Variants in PRKG1 observed in about 807,000 individuals in gnomAD.
The protein encoded by PRKG1 is protein kinase cGMP-dependent 1.
In PRKG1, 35 loss-of-function variants were observed where a neutral mutation model predicts 88.1. The ratio of observed to expected loss-of-function variants is 0.40; its 90% CI spans 0.30 to 0.53. The LOEUF (loss-of-function observed/expected upper bound fraction) is 0.53. Among genes scored for constraint, PRKG1 ranks in the 20% least tolerant of loss-of-function variants. The pLI, the probability that PRKG1 is intolerant of heterozygous loss-of-function variation, is 0.59. For synonymous variants in PRKG1, 303 were observed against 292.5 expected (o/e 1.04, Z -0.37); for missense variants, 540 against 839.8 (o/e 0.64, Z 4.41).
At chr10:51,729,706 CAAAAAA>C (rs34900286) in intron 3 of PRKG1, among the ~76,000 whole-genome samples, 6 of 28,784 alleles carry the variant, frequency 2.1e-4, no homozygotes, top group African/African-American at 6.9e-4. Context: ...GACTCCATCT[CAAAAAA>C]AAAAAAAAAA....
intron 7 of PRKG1, among the ~76,000 whole-genome samples, chr10:52,087,882 G>A (rs898970825): frequency 6.6e-6 from 1 of 152,158 alleles, no homozygotes; most frequent in Non-Finnish European, 1.5e-5. Flanking sequence ...ATAGTAAGGA[G>A]ACAAAATAGG....
At chr10:51,932,865 G>A (rs1163907320) in intron 5 of PRKG1, among the ~76,000 whole-genome samples, 1 of 152,064 alleles carries the variant, frequency 6.6e-6, no homozygotes, top group African/African-American at 2.4e-5. Flanking sequence ...AGGAGGTGAA[G>A]CGGGGGTTAT....
chr10:51,054,612 A>G (rs368245937), intron 1 of PRKG1, among the ~76,000 whole-genome samples: 199 of 152,266 alleles, frequency 1.3e-3, no homozygotes, highest in African/African-American at 4.6e-3. Context: ...GGTGTGACAG[A>G]TTACCAAAGC....
intron 2 of PRKG1, among the ~76,000 whole-genome samples, chr10:51,372,378 A>G (rs569666320): frequency 1.6e-4 from 24 of 152,272 alleles, no homozygotes; most frequent in African/African-American, 5.8e-4. Flanking sequence ...GTATCCAGAA[A>G]CCTTGCTAAA....
At chr10:51,481,495 C>A (rs1412288831) in intron 3 of PRKG1, among the ~76,000 whole-genome samples, 2 of 152,116 alleles carry the variant, frequency 1.3e-5, no homozygotes, top group Non-Finnish European at 2.9e-5. Context: ...ATGATCCGCC[C>A]TCCCTGGCCT....
chr10:51,705,970 A>G (rs1216282450), intron 3 of PRKG1, among the ~76,000 whole-genome samples: 1 of 152,178 alleles, frequency 6.6e-6, no homozygotes, highest in Non-Finnish European at 1.5e-5. Context: ...CCTGGGCACC[A>G]TCTCCCTTGG....
chr10:51,122,495 T>G (rs1845283415), intron 1 of PRKG1, among the ~76,000 whole-genome samples: 2 of 152,198 alleles, frequency 1.3e-5, no homozygotes, highest in Non-Finnish European at 2.9e-5. Context: ...TTGCCTCTTG[T>G]GGGTATATAC....
At chr10:52,081,092 AT>A (rs1564460541) in intron 7 of PRKG1, among the ~76,000 whole-genome samples, 1 of 152,206 alleles carries the variant, frequency 6.6e-6, no homozygotes, top group African/African-American at 2.4e-5. Context: ...TTGCAAACAC[AT>A]TTCAGAGTCT....
At chr10:51,578,770 T>G (rs1224872563) in intron 3 of PRKG1, among the ~76,000 whole-genome samples, 1 of 152,140 alleles carries the variant, frequency 6.6e-6, no homozygotes, top group Non-Finnish European at 1.5e-5. Context: ...TCATGCTAGC[T>G]CTGTATGCAA....
intron 1 of PRKG1, among the ~76,000 whole-genome samples, chr10:51,143,671 G>A (rs1403432510): frequency 1.3e-5 from 2 of 152,052 alleles, no homozygotes; most frequent in African/African-American, 4.8e-5. Context: ...CATTCTAACA[G>A]GTGTAAGGTT....
intron 1 of PRKG1, among the ~76,000 whole-genome samples, chr10:51,139,661 C>T (rs1845776243): frequency 1.3e-5 from 2 of 152,166 alleles, no homozygotes; most frequent in African/African-American, 2.4e-5. Context: ...AGTCCTATAG[C>T]GCCCACTTGC....
chr10:51,049,888 G>A (rs1436475174), intron 1 of PRKG1, among the ~76,000 whole-genome samples: 1 of 152,080 alleles, frequency 6.6e-6, no homozygotes, highest in African/African-American at 2.4e-5. Context: ...CATGGCATGG[G>A]TATTCTAGGT....
At position 51,362,191 on chromosome 10, in the gene PRKG1, G is replaced by C. The variant is rs548720747; in HGVS notation, c.479-105532G>C. On this transcript the variant is annotated intron_variant, in intron 2 of 17. Transcript: ENST00000373980. ...ACTCTGTTGCTCAAGCTGGAGTACA[G>C]TGGCATGATCATAGCTCTTCCCAGC... Among the ~76,000 whole-genome samples, 6 of 151,860 alleles carry C rather than the reference G, an allele frequency of 4.0e-5. No homozygotes were observed. In the East Asian group the frequency reaches 1.2e-3, roughly 29 times the overall value.
intron 8 of PRKG1, among the ~76,000 whole-genome samples, chr10:52,150,793 T>A (rs113687078): frequency 5.9e-5 from 9 of 152,288 alleles, no homozygotes; most frequent in African/African-American, 1.9e-4. Flanking sequence ...TCAAGTTGCT[T>A]AATAGAAAAT....
At chr10:51,669,486 A>C (rs780261310) in intron 3 of PRKG1, among the ~76,000 whole-genome samples, 1 of 152,244 alleles carries the variant, frequency 6.6e-6, no homozygotes, top group African/African-American at 2.4e-5. Flanking sequence ...GGGAGTGGGC[A>C]CAATTCAGCT....
At chr10:51,409,804 A>T (rs994983456) in intron 2 of PRKG1, among the ~76,000 whole-genome samples, 1 of 132,668 alleles carries the variant, frequency 7.5e-6, no homozygotes, top group East Asian at 2.3e-4. Flanking sequence ...CAGTGATTGG[A>T]GATTGTGCCA....
In PRKG1 at chr10:52,219,463, C is replaced by A. The variant is rs137998765; in HGVS notation, c.1077-32107C>A. 7.9e-3 allele frequency among the ~76,000 whole-genome samples: 1,196 copies of A among 152,266 alleles called. 15 individuals are homozygous for A. Among genetic ancestry groups the A allele is most frequent in the African/African-American group, 0.027 (1,134 of 41,560 alleles). On this transcript the variant is annotated intron_variant, in intron 9 of 17. Coordinates refer to ENST00000373980, the MANE Select transcript of PRKG1 (RefSeq NM_006258.4). ...TTAATAACAAACAATCCCAACATCT[C>A]ACTTTGCATATTCATTTATTATTCT... is the stretch of plus-strand genomic sequence containing the variant.
chr10:51,612,953 G>T (rs546083738), intron 3 of PRKG1, among the ~76,000 whole-genome samples: 1 of 151,756 alleles, frequency 6.6e-6, no homozygotes, highest in Non-Finnish European at 1.5e-5. Context: ...CCATCCTTGC[G>T]TACCTGGTAT....
In PRKG1 at chr10:51,533,767, G is replaced by A. The variant is rs138302320; in HGVS notation, c.592+65931G>A. ...GAAAACTCTTAATTTACTTTTAATT[G>A]GAACTTTACAATTTTTCACCAGGAG... On this transcript the variant is annotated intron_variant, in intron 3 of 17. Coordinates refer to ENST00000373980, the MANE Select transcript of PRKG1 (RefSeq NM_006258.4). Among the ~76,000 whole-genome samples the A allele has an allele frequency of 4.5e-3, 680 of 152,170 alleles. 7 individuals are homozygous for A. The highest frequency in any genetic ancestry group is 0.014 in the African/African-American group (567 of 41,490).
Sources: gnomAD v4.1 joint callset for allele counts (sites outside exome capture counted in the v4.1 genomes callset) on GRCh38, gnomAD v4.1.1 for gene constraint, MANE v1.5 for transcripts, NCBI Gene and HGNC (gene_info 2026-07-23, HGNC 2026-07-21) for gene names.